PRMT8: variants seen among roughly 807,000 people sequenced by gnomAD.
The protein encoded by PRMT8 is protein arginine N-methyltransferase 8.
PRMT8 carries 7 observed loss-of-function variants against 47.1 expected under a neutral mutation model. The observed-to-expected ratio is 0.15, with a 90% CI of 0.08 to 0.28. The LOEUF (loss-of-function observed/expected upper bound fraction) is 0.28, where lower values mean the gene tolerates loss of function less well. Ranked by LOEUF, PRMT8 falls within the 10% of genes least tolerant of loss-of-function variation. The pLI, the probability that PRMT8 is intolerant of heterozygous loss-of-function variation, is 1.00. For synonymous variants in PRMT8, 188 were observed against 186.5 expected (o/e 1.01, Z -0.07); for missense variants, 237 against 505.4 (o/e 0.47, Z 5.09).
At chr12:3,384,717 T>C (rs1864123934) in intron 1 of PRMT8, among the ~76,000 whole-genome samples, 1 of 152,152 alleles carries the variant, frequency 6.6e-6, no homozygotes, top group Admixed American at 6.5e-5. Context: ...TGAGCCCATG[T>C]CCAAACCTAA....
chr12:3,540,619 C>CGGG lies in PRMT8; in HGVS notation c.89_90insGGG (p.Pro30_Ser31insGly). On this transcript the variant is annotated inframe_insertion, in exon 2 of 10. Coordinates refer to ENST00000382622, the MANE Select transcript of PRMT8 (RefSeq NM_019854.5). ...TCTTCCCCTCAGGTGAACAGCCCCC[C>CGGG]CTCCCAGCCCCCCCAGCCCGTCGTC... is the stretch of plus-strand genomic sequence containing the variant. 1 of 1,174,308 alleles carries CGGG rather than the reference C, an allele frequency of 8.5e-7. No homozygotes were observed. The highest frequency in any genetic ancestry group is 1.3e-6 in the Non-Finnish European group (1 of 789,590). The allele number at this position is 1,174,308 out of a possible 1,614,324, so 72.7% of individuals were successfully genotyped here.
chr12:3,545,166 C>T (rs775938778), intron 2 of PRMT8, among the ~76,000 whole-genome samples: 10 of 152,160 alleles, frequency 6.6e-5, no homozygotes, highest in Non-Finnish European at 1.3e-4. Context: ...TACCAGTTTC[C>T]AGATGAGGGA....
chr12:3,415,237 A>C (rs373140701), intron 1 of PRMT8, among the ~76,000 whole-genome samples: 1 of 152,172 alleles, frequency 6.6e-6, no homozygotes, highest in African/African-American at 2.4e-5. Flanking sequence ...GGGAAGGGAC[A>C]TGGAGCTTCC....
rs552057534 is a variant in PRMT8 at position 3,457,765 on chromosome 12, AAAG to A, written c.48+76329_48+76331del. On this transcript the variant is annotated intron_variant, in intron 1 of 9. Transcript: ENST00000452611. ...GAATAATGTAGGAAACCAATTCAAA[AAAG>A]AAGAAAATAAAGATCTGCAACCCCC... Among the ~76,000 whole-genome samples the A allele has an allele frequency of 3.0e-4, 45 of 152,330 alleles. 1 individual carries two copies. Among genetic ancestry groups the A allele is most frequent in the African/African-American group, 1.0e-3 (43 of 41,574 alleles).
intron 8 of PRMT8, among the ~76,000 whole-genome samples, chr12:3,591,890 A>G (rs1867313773): frequency 6.6e-6 from 1 of 152,210 alleles, no homozygotes. Flanking sequence ...CAGCATGTTC[A>G]GATGCATGTA....
intron 1 of PRMT8, among the ~76,000 whole-genome samples, chr12:3,507,312 G>T (rs1325771046): frequency 6.6e-6 from 1 of 151,898 alleles, no homozygotes; most frequent in East Asian, 1.9e-4. Context: ...TAGTAGAGAT[G>T]GCGTTTCACC....
At chr12:3,530,796 G>A (rs1002189042) in intron 1 of PRMT8, among the ~76,000 whole-genome samples, 3 of 152,186 alleles carry the variant, frequency 2.0e-5, no homozygotes, top group Non-Finnish European at 4.4e-5. Context: ...GTCATACGGC[G>A]AGAGCGGGAA....
chr12:3,551,085 C>CG (rs1555092731), intron 3 of PRMT8: 6 of 149,558 alleles, frequency 4.0e-5, no homozygotes, highest in East Asian at 2.0e-4. Context: ...GACCCCCCCC[C>CG]GCCCACTGAC....
chr12:3,528,483 T>C (rs1865977980), intron 1 of PRMT8, among the ~76,000 whole-genome samples: 1 of 152,186 alleles, frequency 6.6e-6, no homozygotes, highest in Non-Finnish European at 1.5e-5. Context: ...AGTTTTTATC[T>C]CTAGAAGTTC....
intron 1 of PRMT8, among the ~76,000 whole-genome samples, chr12:3,496,091 C>T (rs1413199472): frequency 1.3e-5 from 2 of 150,692 alleles, no homozygotes; most frequent in African/African-American, 4.9e-5. Context: ...AAGTCTGATG[C>T]ATGATGCATT....
intron 1 of PRMT8, among the ~76,000 whole-genome samples, chr12:3,460,286 C>G (rs1010855996): frequency 6.6e-6 from 1 of 152,188 alleles, no homozygotes. Flanking sequence ...ATCATGGGAG[C>G]AAAACATGGT....
intron 1 of PRMT8, among the ~76,000 whole-genome samples, chr12:3,480,856 C>G (rs1268115007): frequency 6.6e-6 from 1 of 152,172 alleles, no homozygotes; most frequent in African/African-American, 2.4e-5. Context: ...GTAACTTGAG[C>G]TTAGGAGGCT....
rs1208757638 is a variant in PRMT8 at position 3,570,102 on chromosome 12, T to C, written c.712+538T>C. ...AGAGTGGAGATTTTGCTTTGAACAA[T>C]CAAACGAAAGGCGAGTGTGCATGTG... On this transcript the variant is annotated intron_variant, in intron 6 of 9. Coordinates refer to ENST00000382622, the MANE Select transcript of PRMT8 (RefSeq NM_019854.5). The surrounding 1 kb of genome is among the most constrained non-coding windows in gnomAD (Gnocchi z 5.5). Among the ~76,000 whole-genome samples, 1 of 151,768 alleles carries C rather than the reference T, an allele frequency of 6.6e-6. No homozygotes were observed. The highest frequency in any genetic ancestry group is 1.5e-5 in the Non-Finnish European group (1 of 67,916).
chr12:3,496,306 T>C (rs1190860963), intron 1 of PRMT8, among the ~76,000 whole-genome samples: 1 of 141,246 alleles, frequency 7.1e-6, no homozygotes, highest in Non-Finnish European at 1.5e-5. Flanking sequence ...AATCCTACAA[T>C]GTGACAATGA....
At chr12:3,562,913 G>A (rs931120447) in intron 4 of PRMT8, among the ~76,000 whole-genome samples, 1 of 152,142 alleles carries the variant, frequency 6.6e-6, no homozygotes, top group Admixed American at 6.5e-5. Context: ...ACTTGGAATG[G>A]TTTTCTGAAT....
At chr12:3,387,771 C>T (rs1450043254) in intron 1 of PRMT8, among the ~76,000 whole-genome samples, 2 of 152,072 alleles carry the variant, frequency 1.3e-5, no homozygotes, top group East Asian at 3.8e-4. Flanking sequence ...ATTTCTTACA[C>T]CTAGTTTCTT....
upstream of PRMT8, chr12:3,491,093 G>T (rs895957231): frequency 2.2e-6 from 2 of 898,922 alleles, no homozygotes; most frequent in Non-Finnish European, 2.7e-6. Flanking sequence ...GGGCCCGGGG[G>T]CGCTGGGGGC....
chr12:3,510,547 A>G (rs931210852), intron 1 of PRMT8, among the ~76,000 whole-genome samples: 3 of 152,228 alleles, frequency 2.0e-5, no homozygotes, highest in Non-Finnish European at 4.4e-5. Context: ...TGATTTGTCA[A>G]TGAAAAAATT....
rs768685438 is a variant in PRMT8, at chr12:3,569,208, T to C, written c.625-269T>C. Among the ~76,000 whole-genome samples the C allele has an allele frequency of 1.3e-5, 2 of 152,208 alleles. No individual in the cohort carries two copies. Among genetic ancestry groups the C allele is most frequent in the African/African-American group, 2.4e-5 (1 of 41,444 alleles). On this transcript the variant is annotated intron_variant, in intron 5 of 9. Transcript: ENST00000382622. The surrounding 1 kb of genome is among the most constrained non-coding windows in gnomAD (Gnocchi z 8.2). ...TCTGGGCTTCTCCAGGCCAAAGTCG[T>C]AACATCTCTCACTGCTCCTCACTGG...
Sources: gnomAD v4.1 joint callset for allele counts (sites outside exome capture counted in the v4.1 genomes callset) on GRCh38, gnomAD v4.1.1 for gene constraint, Gnocchi (gnomAD v3.1) non-coding constraint, MANE v1.5 for transcripts, NCBI Gene and HGNC (gene_info 2026-07-23, HGNC 2026-07-21) for gene names.